Variants in DLG2 observed in about 807,000 individuals in gnomAD.
The protein encoded by DLG2 is discs large MAGUK scaffold protein 2, also known as disks large homolog 2.
Under a neutral mutation model 132.5 loss-of-function variants are expected in DLG2, and 45 were observed. The ratio of observed to expected loss-of-function variants is 0.34; its 90% CI spans 0.27 to 0.44. The LOEUF is 0.44. Among genes scored for constraint, DLG2 ranks in the 20% least tolerant of loss-of-function variants. The pLI, the probability that DLG2 is intolerant of heterozygous loss-of-function variation, is 1.00. For synonymous variants in DLG2, 424 were observed against 419.6 expected, an observed-to-expected ratio of 1.01 and a Z score of -0.13; for missense variants, 1,045 against 1,196.9, an observed-to-expected ratio of 0.87 and a Z score of 1.87.
intron 7 of DLG2, chr11:84,317,310 G>A: frequency 3.5e-6 from 5 of 1,436,254 alleles, no homozygotes; most frequent in South Asian, 1.5e-5. Flanking sequence ...AGTGGGAGCA[G>A]CGACAGCAGC....
At chr11:85,338,693 T>C (rs1435196216) in intron 3 of DLG2, among the ~76,000 whole-genome samples, 1 of 146,070 alleles carries the variant, frequency 6.8e-6, no homozygotes, top group African/African-American at 2.5e-5. Context: ...ACCCTCTGTG[T>C]ATAAATAATT....
At position 84,934,504 on chromosome 11, in the gene DLG2, G is replaced by GTTTTTTTTTTTTTTTTTTTTTTTTTTTT. The variant is rs113436905; in HGVS notation, c.357+177156_357+177157insAAAAAAAAAAAAAAAAAAAAAAAAAAAA. On this transcript the variant is annotated intron_variant, in intron 6 of 27. Transcript: ENST00000376104. ...TCTGTGAATCTGTATGGTCCTGGGT[G>GTTTTTTTTTTTTTTTTTTTTTTTTTTTT]TTTTTTTTTTGTTTTGTTTTGTTTT... 1.5e-4 allele frequency among the ~76,000 whole-genome samples: 5 copies of GTTTTTTTTTTTTTTTTTTTTTTTTTTTT among 33,870 alleles called. 2 individuals carry two copies. The highest frequency in any genetic ancestry group is 3.5e-4 in the African/African-American group (2 of 5,752). 22.2% of individuals were successfully genotyped at this position (33,870 alleles called of 152,430 possible).
intron 6 of DLG2, chr11:84,923,576 C>T (rs1248873839): frequency 3.0e-6 from 3 of 993,086 alleles, no homozygotes; most frequent in Admixed American, 5.8e-5. Flanking sequence ...GGGATCGCAT[C>T]GCAGACTGTA....
At chr11:85,104,792 A>C (rs868223009) in intron 6 of DLG2, among the ~76,000 whole-genome samples, 4 of 151,370 alleles carry the variant, frequency 2.6e-5, no homozygotes, top group Non-Finnish European at 5.9e-5. Context: ...AGCACAAACA[A>C]AAAATCCCAA....
At chr11:84,940,926 G>A (rs1469818721) in intron 6 of DLG2, among the ~76,000 whole-genome samples, 1 of 152,108 alleles carries the variant, frequency 6.6e-6, no homozygotes, top group African/African-American at 2.4e-5. Context: ...ATAGCATCTA[G>A]TTTCATTCTT....
chr11:84,795,879 G>T lies in DLG2; in HGVS notation c.358-261148C>A, dbSNP rs554641198. On this transcript the variant is annotated intron_variant, in intron 6 of 27. Coordinates refer to ENST00000376104, the MANE Select transcript of DLG2 (RefSeq NM_001142699.3). ...GTACACCTGGTTCAACCACAGGCTC[G>T]CAGGAAGCCAGCACGCACGCTGACA... 4.6e-5 allele frequency among the ~76,000 whole-genome samples: 7 copies of T among 152,022 alleles called. No individual in the cohort carries two copies. The East Asian group carries it at 1.4e-3, about 30-fold the overall frequency.
At chr11:83,772,066 A>G (rs1284185780) in intron 18 of DLG2, among the ~76,000 whole-genome samples, 1 of 151,956 alleles carries the variant, frequency 6.6e-6, no homozygotes, top group African/African-American at 2.4e-5. Context: ...GTAACTTGTG[A>G]TCCCTTGGCA....
At chr11:83,511,329 A>C (rs887029969) in intron 21 of DLG2, among the ~76,000 whole-genome samples, 2 of 152,192 alleles carry the variant, frequency 1.3e-5, no homozygotes, top group African/African-American at 4.8e-5. Flanking sequence ...ATTGCATTCC[A>C]CTTATGAGTA....
chr11:84,137,826 T>C (rs1426156074), intron 9 of DLG2, among the ~76,000 whole-genome samples: 1 of 152,160 alleles, frequency 6.6e-6, no homozygotes, highest in Non-Finnish European at 1.5e-5. Context: ...ATTTAAAAGA[T>C]AGCTGATTTC....
At chr11:83,611,293 GGA>G (rs147170163) in intron 19 of DLG2, among the ~76,000 whole-genome samples, 3 of 151,720 alleles carry the variant, frequency 2.0e-5, no homozygotes, top group East Asian at 1.9e-4. Flanking sequence ...GGGGGAAGGG[GGA>G]GAGAGAGAGA....
intron 8 of DLG2, among the ~76,000 whole-genome samples, chr11:84,165,415 T>A (rs1390079366): frequency 6.6e-6 from 1 of 152,228 alleles, no homozygotes; most frequent in African/African-American, 2.4e-5. Context: ...TTAGAAGTAT[T>A]ATATATGCAT....
intron 17 of DLG2, among the ~76,000 whole-genome samples, chr11:83,806,377 C>G (rs950647575): frequency 6.6e-6 from 1 of 152,116 alleles, no homozygotes; most frequent in Admixed American, 6.6e-5. Flanking sequence ...GACAAATTAA[C>G]TCTATACACT....
chr11:84,446,467 G>T (rs953370417), intron 7 of DLG2, among the ~76,000 whole-genome samples: 7 of 151,874 alleles, frequency 4.6e-5, no homozygotes, highest in Admixed American at 1.3e-4. Context: ...GAGTCCCTGC[G>T]ACCTTCAGTT....
chr11:85,444,168 T>TA (rs1428627087), intron 3 of DLG2, among the ~76,000 whole-genome samples: 6 of 152,002 alleles, frequency 3.9e-5, no homozygotes, highest in Non-Finnish European at 5.9e-5. Context: ...AACTCCAACT[T>TA]AAAAAAATGC....
At chr11:84,196,501 G>A (rs1332828436) in intron 8 of DLG2, among the ~76,000 whole-genome samples, 1 of 152,170 alleles carries the variant, frequency 6.6e-6, no homozygotes, top group African/African-American at 2.4e-5. Flanking sequence ...GAATAATGGA[G>A]TATACTCCAG....
chr11:83,921,286 G>C lies in DLG2; in HGVS notation c.1496+9042C>G, dbSNP rs1323804020. Among the ~76,000 whole-genome samples, 2 of 152,012 alleles carry C rather than the reference G, an allele frequency of 1.3e-5. 1 individual carries two copies. The highest frequency in any genetic ancestry group is 2.9e-5 in the Non-Finnish European group (2 of 67,998). On this transcript the variant is annotated intron_variant, in intron 15 of 27. Coordinates refer to ENST00000376104, the MANE Select transcript of DLG2 (RefSeq NM_001142699.3). Reference sequence around the variant, plus strand: ...TTGTTACTATTAGTACTATATGCCAGGTACGATTTTTGGCACAGGGAATAA... The same window carrying C: ...TTGTTACTATTAGTACTATATGCCACGTACGATTTTTGGCACAGGGAATAA...
chr11:85,179,001 T>C (rs138821114), intron 4 of DLG2, among the ~76,000 whole-genome samples: 4 of 151,908 alleles, frequency 2.6e-5, no homozygotes, highest in African/African-American at 7.2e-5. Flanking sequence ...AGTCCACCGA[T>C]AGAAAAAGCT....
chr11:85,023,954 T>G (rs564192209), intron 6 of DLG2, among the ~76,000 whole-genome samples: 44 of 152,268 alleles, frequency 2.9e-4, no homozygotes, highest in African/African-American at 1.0e-3. Context: ...TTTTGTAGCT[T>G]CGCCACTCAT....
chr11:85,508,584 C>T (rs1025020874), intron 3 of DLG2, among the ~76,000 whole-genome samples: 1 of 151,950 alleles, frequency 6.6e-6, no homozygotes, highest in Non-Finnish European at 1.5e-5. Flanking sequence ...TCCATAAGAA[C>T]AAGAATTTCA....
Sources: gnomAD v4.1 joint callset for allele counts (sites outside exome capture counted in the v4.1 genomes callset) on GRCh38, gnomAD v4.1.1 for gene constraint, MANE v1.5 for transcripts, NCBI Gene and HGNC (gene_info 2026-07-23, HGNC 2026-07-21) for gene names.